Variants in TMIGD3 observed in about 807,000 individuals in gnomAD.
TMIGD3 encodes AD026 protein (AD026).
A neutral mutation model predicts 28.1 loss-of-function variants in TMIGD3; 21 were observed. The observed-to-expected ratio is 0.75, with a 90% confidence interval of 0.53 to 1.08. TMIGD3 has a LOEUF of 1.08. Ranked by LOEUF, TMIGD3 falls within the 50% of genes least tolerant of loss-of-function variation. The pLI is 0.00. For synonymous variants in TMIGD3, 151 were observed against 162.1 expected, an observed-to-expected ratio of 0.93 and a Z score of 0.52; for missense variants, 416 against 435.6, an observed-to-expected ratio of 0.96 and a Z score of 0.40.
intron 1 of TMIGD3, among the ~76,000 whole-genome samples, chr1:111,513,466 G>C (rs1655758113): frequency 6.6e-6 from 1 of 152,136 alleles, no homozygotes; most frequent in Non-Finnish European, 1.5e-5. Context: ...ATTAACCCTG[G>C]AAACATTTCT....
At chr1:111,547,257 A>G (rs987243633) in intron 1 of TMIGD3, among the ~76,000 whole-genome samples, 71 of 152,072 alleles carry the variant, frequency 4.7e-4, no homozygotes, top group African/African-American at 1.7e-3. Context: ...ATGAGATTGA[A>G]GAATTTCCTT....
intron 1 of TMIGD3, among the ~76,000 whole-genome samples, chr1:111,518,538 A>G (rs1319543774): frequency 6.6e-6 from 1 of 152,184 alleles, no homozygotes; most frequent in Non-Finnish European, 1.5e-5. Flanking sequence ...GGAGGATGAG[A>G]ATCACTCCCA....
At chr1:111,485,933 G>T in intron 4 of TMIGD3, 93 bp from the exon 5 acceptor site, 1 of 942,790 alleles carries the variant, frequency 1.1e-6, no homozygotes, top group Non-Finnish European at 1.6e-6. Context: ...TTGCACCCCT[G>T]CCCACCCCCC....
intron 1 of TMIGD3, among the ~76,000 whole-genome samples, chr1:111,521,800 G>A (rs916136457): frequency 6.6e-6 from 1 of 152,140 alleles, no homozygotes; most frequent in African/African-American, 2.4e-5. Context: ...TATATTTTGT[G>A]CTTTTGTGTT....
At chr1:111,562,183 C>T (rs770397171) in intron 1 of TMIGD3, among the ~76,000 whole-genome samples, 7 of 152,094 alleles carry the variant, frequency 4.6e-5, no homozygotes, top group Non-Finnish European at 7.4e-5. Context: ...TCTTCAGATA[C>T]GCCATTTCCT....
intron 1 of TMIGD3, 128 bp downstream of exon 1, chr1:111,502,877 A>G (rs1018278678): frequency 5.1e-6 from 6 of 1,181,754 alleles, no homozygotes; most frequent in Admixed American, 5.2e-5. Flanking sequence ...ACAAAAAGAC[A>G]CTTATTGCCC....
At chr1:111,552,549 A>G (rs1318503522) in intron 1 of TMIGD3, among the ~76,000 whole-genome samples, 1 of 152,190 alleles carries the variant, frequency 6.6e-6, no homozygotes, top group East Asian at 1.9e-4. Flanking sequence ...AGAGACCATA[A>G]TTCACCATTT....
intron 1 of TMIGD3, among the ~76,000 whole-genome samples, chr1:111,497,739 A>G (rs1313317629): frequency 1.3e-5 from 2 of 152,220 alleles, no homozygotes; most frequent in African/African-American, 4.8e-5. Flanking sequence ...CTCAGAAGCT[A>G]AGGATACCAA....
At chr1:111,560,179 A>G (rs939646139) in intron 1 of TMIGD3, among the ~76,000 whole-genome samples, 3 of 152,326 alleles carry the variant, frequency 2.0e-5, no homozygotes, top group South Asian at 2.1e-4. Flanking sequence ...ATCTAAACAC[A>G]TGAGATCACA....
At chr1:111,546,703 C>A (rs1657046595) in intron 1 of TMIGD3, among the ~76,000 whole-genome samples, 1 of 152,134 alleles carries the variant, frequency 6.6e-6, no homozygotes, top group Admixed American at 6.5e-5. Flanking sequence ...CACCTTCCAG[C>A]CAATTGTGAA....
intron 3 of TMIGD3, 57 bp downstream of exon 3, chr1:111,488,620 C>A: frequency 6.7e-7 from 1 of 1,496,162 alleles, no homozygotes; most frequent in South Asian, 1.2e-5. Context: ...GCTCTCTTAG[C>A]AGCAAACACC....
intron 1 of TMIGD3, among the ~76,000 whole-genome samples, chr1:111,537,982 T>C (rs987359182): frequency 6.6e-6 from 1 of 152,196 alleles, no homozygotes; most frequent in Non-Finnish European, 1.5e-5. Context: ...TTTAAAATAC[T>C]TTCCTTAAAT....
intron 1 of TMIGD3, among the ~76,000 whole-genome samples, chr1:111,512,595 C>T (rs1655727942): frequency 6.6e-6 from 1 of 152,246 alleles, no homozygotes; most frequent in African/African-American, 2.4e-5. Flanking sequence ...CCTGCACCAC[C>T]ACCTTGGGCA....
intron 3 of TMIGD3, among the ~76,000 whole-genome samples, chr1:111,488,068 C>G (rs2789540): frequency 0.8 from 122,039 of 152,044 alleles, 48,983 homozygotes; most frequent in Middle Eastern, 0.89. Context: ...GCCTCCCAAA[C>G]TGCTGGGATT....
At chr1:111,490,818 G>A in intron 1 of TMIGD3, 56 bp from the exon 2 acceptor site, 2 of 1,350,254 alleles carry the variant, frequency 1.5e-6, no homozygotes, top group Non-Finnish European at 2.1e-6. Context: ...CTGGTTTGAA[G>A]AGACCAGTGA....
At chr1:111,509,757 A>T (rs1655629656) in intron 1 of TMIGD3, among the ~76,000 whole-genome samples, 2 of 152,266 alleles carry the variant, frequency 1.3e-5, no homozygotes, top group Admixed American at 1.3e-4. Context: ...AAGAGCTGCC[A>T]TTGATAAAAT....
chr1:111,491,891 C>G (rs924186330), intron 1 of TMIGD3, among the ~76,000 whole-genome samples: 2 of 152,160 alleles, frequency 1.3e-5, no homozygotes, highest in African/African-American at 4.8e-5. Flanking sequence ...ATGGCATTGC[C>G]ATAGCCAACC....
rs112009157 is a variant in TMIGD3 at position 111,496,119 on chromosome 1, G to A, written c.351-5357C>T. Among the ~76,000 whole-genome samples, 940 of 152,116 alleles carry A rather than the reference G, an allele frequency of 6.2e-3. 12 individuals are homozygous for A. The highest frequency in any genetic ancestry group is 0.019 in the African/African-American group (804 of 41,494). ...ACAAACCTATGAAATTACCTATATG[G>A]CAAACCTGCACAGGTATCCCTGAAC... On this transcript the variant is annotated intron_variant, in intron 1 of 5. Transcript: ENST00000369716.
In TMIGD3 at chr1:111,511,674, T is replaced by TAC. The variant is rs72064023; in HGVS notation, c.108-20914_108-20913dup. On this transcript the variant is annotated intron_variant, in intron 1 of 5. Coordinates refer to the TMIGD3 transcript ENST00000369717. ...GTGATCTATCTCAAATGGTGCCCTT[T>TAC]ACACACACACACACACACACACACG... Among the ~76,000 whole-genome samples the TAC allele has an allele frequency of 3.3e-3, 486 of 148,926 alleles. 3 individuals are homozygous for TAC. The highest frequency in any genetic ancestry group is 0.016 in the East Asian group (81 of 5,062).
Sources: gnomAD v4.1 joint callset for allele counts (sites outside exome capture counted in the v4.1 genomes callset) on GRCh38, gnomAD v4.1.1 for gene constraint, MANE v1.5 for transcripts, NCBI Gene and HGNC (gene_info 2026-07-23, HGNC 2026-07-21) for gene names.